Variants in EPHA7 observed in about 807,000 individuals in gnomAD.
EPHA7 encodes EPH receptor A7.
Under a neutral mutation model 112.6 loss-of-function variants are expected in EPHA7, and 25 were observed. The ratio of observed to expected loss-of-function variants is 0.22; its 90% CI spans 0.16 to 0.31. EPHA7 has a LOEUF of 0.31. EPHA7 is among the 10% of genes least tolerant of loss of function. The pLI is 1.00. For synonymous variants in EPHA7, 437 were observed against 406.5 expected (o/e 1.07, Z -0.90); for missense variants, 962 against 1,212.6 (o/e 0.79, Z 3.07).
At chr6:93,387,048 T>A (rs1452900615) in intron 3 of EPHA7, among the ~76,000 whole-genome samples, 1 of 152,136 alleles carries the variant, frequency 6.6e-6, no homozygotes, top group Non-Finnish European at 1.5e-5. Context: ...CAACTAACAT[T>A]TGGCTCCTTA....
At chr6:93,365,104 T>C (rs1307780498) in intron 3 of EPHA7, among the ~76,000 whole-genome samples, 1 of 152,226 alleles carries the variant, frequency 6.6e-6, no homozygotes, top group African/African-American at 2.4e-5. Context: ...TTGACTCAGC[T>C]TCCTCAGGTC....
At chr6:93,259,306 A>G (rs1187369450) in intron 10 of EPHA7, 48 bp downstream of exon 10, 1 of 1,605,470 alleles carries the variant, frequency 6.2e-7, no homozygotes, top group Middle Eastern at 1.7e-4. Context: ...ATGACTTTCG[A>G]TCTTGGCTAA....
chr6:93,273,823 C>T (rs549237235), intron 5 of EPHA7, among the ~76,000 whole-genome samples: 8 of 152,120 alleles, frequency 5.3e-5, no homozygotes, highest in Admixed American at 5.2e-4. Context: ...TGACACATCT[C>T]TGTACCCAGA....
Position 93,292,799 on chromosome 6 carries a change from A to C in EPHA7, c.1325-20377T>G, listed in dbSNP as rs112048726. 4.7e-3 allele frequency among the ~76,000 whole-genome samples: 718 copies of C among 152,280 alleles called. 6 individuals carry two copies. Among genetic ancestry groups the C allele is most frequent in the African/African-American group, 0.017 (686 of 41,570 alleles). ...TGAATACTAGAGAGAAAGGCAAACA[A>C]CCCATTGAACTACAGGTGATAAGAC... On this transcript the variant is annotated intron_variant, in intron 5 of 16. Transcript: ENST00000369303.
At chr6:93,403,113 T>G (rs575620892) in intron 3 of EPHA7, among the ~76,000 whole-genome samples, 33 of 152,182 alleles carry the variant, frequency 2.2e-4, no homozygotes, top group Admixed American at 2.0e-3. Flanking sequence ...ATGAGGAAAA[T>G]GGAATGTAGT....
At position 93,294,592 on chromosome 6, in the gene EPHA7, C is replaced by T. The variant is rs1028430584; in HGVS notation, c.1325-22170G>A. ...TAGTTTTTCTTTTTAACAAATAGAA[C>T]AATGTCATAAATTGGTAGTTAAATG... On this transcript the variant is annotated intron_variant, in intron 5 of 16. Transcript: ENST00000369303. Among the ~76,000 whole-genome samples, 9 of 151,902 alleles carry T rather than the reference C, an allele frequency of 5.9e-5. No homozygotes were observed. In the East Asian group the frequency reaches 1.5e-3, roughly 26 times the overall value.
chr6:93,273,886 G>A (rs1771348049), intron 5 of EPHA7, among the ~76,000 whole-genome samples: 1 of 151,884 alleles, frequency 6.6e-6, no homozygotes, highest in Non-Finnish European at 1.5e-5. Context: ...TGCTTCCTTA[G>A]GCCATGGCCT....
At chr6:93,260,778 A>C (rs760715872) in intron 9 of EPHA7, 15 of 977,028 alleles carry the variant, frequency 1.5e-5, no homozygotes, top group Non-Finnish European at 1.8e-5. Flanking sequence ...TTGTTACTAA[A>C]GCTGAAGATG....
At chr6:93,245,043 T>C (rs1353754083) in intron 16 of EPHA7, among the ~76,000 whole-genome samples, 1 of 152,230 alleles carries the variant, frequency 6.6e-6, no homozygotes. Context: ...TTCTGAACTT[T>C]AGCCTTGTTG....
intron 5 of EPHA7, among the ~76,000 whole-genome samples, chr6:93,350,280 C>T (rs1160738584): frequency 1.3e-5 from 2 of 151,958 alleles, no homozygotes; most frequent in Non-Finnish European, 2.9e-5. Flanking sequence ...GCTCTTATCA[C>T]TGACCATTAA....
At chr6:93,288,200 A>G (rs748159132) in intron 5 of EPHA7, among the ~76,000 whole-genome samples, 13 of 152,254 alleles carry the variant, frequency 8.5e-5, no homozygotes, top group Non-Finnish European at 1.6e-4. Flanking sequence ...ACTAGCAAAC[A>G]AATAAGGTAG....
intron 5 of EPHA7, among the ~76,000 whole-genome samples, chr6:93,336,893 T>TA (rs35715060): frequency 0.24 from 35,198 of 146,726 alleles, 5,921 homozygotes; most frequent in African/African-American, 0.49. Flanking sequence ...ATTATTTTTG[T>TA]AAAAAAAAAA....
rs1769697645 is a variant in EPHA7 at position 93,241,770 on chromosome 6, T to C, written c.*1656A>G. ...ATGCTCTGCAAGTAAAATAGAAAAA[T>C]ATAGTGCATTTTCAATGTATTCAGA... On this transcript the variant is annotated 3_prime_UTR_variant, in exon 17 of 17. Transcript: ENST00000369303. The C allele has an allele frequency of 4.5e-6, 1 of 220,094 alleles. No individual in the cohort carries two copies. Among genetic ancestry groups the C allele is most frequent in the Admixed American group, 5.8e-5 (1 of 17,346 alleles). 13.6% of individuals were successfully genotyped at this position (220,094 alleles called of 1,614,324 possible).
Position 93,368,672 on chromosome 6 carries a change from A to T in EPHA7, c.833-10261T>A, listed in dbSNP as rs146524291. 5.9e-3 allele frequency among the ~76,000 whole-genome samples: 906 copies of T among 152,284 alleles called. 5 individuals carry two copies. Among genetic ancestry groups the T allele is most frequent in the Middle Eastern group, 0.017 (5 of 294 alleles). On this transcript the variant is annotated intron_variant, in intron 3 of 16. Coordinates refer to ENST00000369303, the MANE Select transcript of EPHA7 (RefSeq NM_004440.4). ...ATCCACAGCTAAAAAGAAGATAATT[A>T]ATTTCATCTTAATTTCCTAAAATAA...
At chr6:93,337,666 C>T (rs1774941801) in intron 5 of EPHA7, among the ~76,000 whole-genome samples, 1 of 152,104 alleles carries the variant, frequency 6.6e-6, no homozygotes, top group South Asian at 2.1e-4. Context: ...CTATGTCAAA[C>T]AGTAGAGTAT....
In EPHA7 at chr6:93,419,233, C is replaced by T. The variant is rs1779408465; in HGVS notation, c.97+12G>A. 3.1e-6 allele frequency: 5 copies of T among 1,609,616 alleles called. No individual in the cohort carries two copies. The highest frequency in any genetic ancestry group is 1.7e-4 in the Middle Eastern group (1 of 6,054). ...ATAAGTCAGAACAAACTTTGCTTTC[C>T]CATCACCTTACCTTCCTTCGCAGCC... On this transcript the variant is annotated intron_variant, in intron 1 of 16. Coordinates refer to ENST00000369303, the MANE Select transcript of EPHA7 (RefSeq NM_004440.4).
At chr6:93,294,677 T>C (rs1772562059) in intron 5 of EPHA7, among the ~76,000 whole-genome samples, 2 of 152,126 alleles carry the variant, frequency 1.3e-5, no homozygotes, top group African/African-American at 4.8e-5. Flanking sequence ...GTTGTATTAA[T>C]TATAACATGC....
chr6:93,379,849 A>C (rs1219784287), intron 3 of EPHA7, among the ~76,000 whole-genome samples: 1 of 151,984 alleles, frequency 6.6e-6, no homozygotes, highest in Non-Finnish European at 1.5e-5. Context: ...CTAAACATAC[A>C]CCAAAGTTCT....
At chr6:93,306,089 A>T (rs1424358558) in intron 5 of EPHA7, among the ~76,000 whole-genome samples, 2 of 151,992 alleles carry the variant, frequency 1.3e-5, no homozygotes, top group African/African-American at 4.8e-5. Flanking sequence ...TACTTACTTG[A>T]ACTAAATTAG....
Sources: gnomAD v4.1 joint callset for allele counts (sites outside exome capture counted in the v4.1 genomes callset) on GRCh38, gnomAD v4.1.1 for gene constraint, MANE v1.5 for transcripts, NCBI Gene and HGNC (gene_info 2026-07-23, HGNC 2026-07-21) for gene names.